Variants in SPATA32 observed in about 807,000 individuals in gnomAD.
SPATA32 encodes spermatogenesis associated 32.
Under a neutral mutation model 35.4 loss-of-function variants are expected in SPATA32, and 28 were observed. The observed-to-expected ratio is 0.79, with a 90% CI of 0.59 to 1.09. The LOEUF (loss-of-function observed/expected upper bound fraction) is 1.09, where lower values mean the gene tolerates loss of function less well. Among genes scored for constraint, SPATA32 ranks in the 50% least tolerant of loss-of-function variants. SPATA32 has a pLI of 0.00. For missense variants in SPATA32, 409 were observed against 475.9 expected (o/e 0.86, Z 1.31); for synonymous variants, 168 against 196.3 (o/e 0.86, Z 1.20).
intron 1 of SPATA32, among the ~76,000 whole-genome samples, chr17:45,261,182 C>G (rs2044004079): frequency 6.7e-6 from 1 of 149,250 alleles, no homozygotes; most frequent in South Asian, 2.1e-4. Context: ...TCCTGGGCTC[C>G]AGTGAGCCTC....
rs988523199 is a variant in SPATA32 at position 45,256,923 on chromosome 17, A to C, written c.68+230T>G. ...CCTATCCTGTCCCTGGGTGTGCCCC[A>C]CCACCCCTCAGTCTTCCTCTCATGC... On this transcript the variant is annotated intron_variant, in intron 2 of 4. Transcript: ENST00000331780. This position sits in a 1 kb window ranked among gnomAD's most constrained non-coding sequence, Gnocchi z 4.7. Among the ~76,000 whole-genome samples, 3 of 152,056 alleles carry C rather than the reference A, an allele frequency of 2.0e-5. No individual in the cohort carries two copies. The highest frequency in any genetic ancestry group is 7.3e-5 in the African/African-American group (3 of 41,376).
Position 45,255,669 on chromosome 17 carries a change from C to T in SPATA32, c.513G>A (p.Leu171=). ...TGAGCTGCATGTTGATGGCCCGCTG[C>T]AGGCTGTGCTCTGAGGCCTGGATGA... ...NKLIQASEHS[L]QRAINMQLNN... is the part of the protein sequence containing the mutation. The change falls in exon 4 of 5, where the codon CTG becomes CTA. Residue 171 remains leucine, a synonymous_variant. Transcript: ENST00000331780. This position sits in a 1 kb window ranked among gnomAD's most constrained non-coding sequence, Gnocchi z 5.4. The T allele has an allele frequency of 1.2e-6, 2 of 1,614,068 alleles. No homozygotes were observed. Among genetic ancestry groups the T allele is most frequent in the Non-Finnish European group, 1.7e-6 (2 of 1,180,046 alleles).
At chr17:45,261,819 C>G in intron 1 of SPATA32, 185 bp downstream of exon 1, 2 of 535,720 alleles carry the variant, frequency 3.7e-6, no homozygotes, top group Non-Finnish European at 5.7e-6. Context: ...GGCTGGGAGC[C>G]GTAGTCAGGG....
rs911800846 is a variant in SPATA32 at position 45,256,534 on chromosome 17, G to A, written c.69-119C>T. On this transcript the variant is annotated intron_variant, in intron 2 of 4. Coordinates refer to ENST00000331780, the MANE Select transcript of SPATA32 (RefSeq NM_152343.3). This position sits in a 1 kb window ranked among gnomAD's most constrained non-coding sequence, Gnocchi z 4.7. ...CAGAAGCTGGCACGATGCACCTCCC[G>A]CCGACCACCCCGCCACCAGCTCATC... The A allele has an allele frequency of 9.6e-6, 8 of 835,166 alleles. No individual in the cohort carries two copies. The highest frequency in any genetic ancestry group is 1.6e-5 in the Non-Finnish European group (8 of 491,606). 51.7% of individuals were successfully genotyped at this position (835,166 alleles called of 1,614,324 possible).
At chr17:45,258,987 A>G (rs187465353) in intron 1 of SPATA32, among the ~76,000 whole-genome samples, 6 of 152,044 alleles carry the variant, frequency 3.9e-5, no homozygotes, top group Admixed American at 2.6e-4. Context: ...AAATATATCC[A>G]TCTTTTGTAT....
In SPATA32 at chr17:45,256,110, C is replaced by T. The variant is rs751271295; in HGVS notation, c.109-37G>A. 1.1e-5 allele frequency: 17 copies of T among 1,566,324 alleles called. No individual in the cohort carries two copies. Among genetic ancestry groups the T allele is most frequent in the East Asian group, 2.4e-5 (1 of 42,150 alleles). On this transcript the variant is annotated intron_variant, in intron 3 of 4. Transcript: ENST00000331780. This position sits in a 1 kb window ranked among gnomAD's most constrained non-coding sequence, Gnocchi z 4.7. ...CAACTCAAAGCTGAGGAGGCAGGAG[C>T]GGGAGGTCCTGCCCCTGAGGCCCTC...
rs2043964076 is a variant in SPATA32 at position 45,256,997 on chromosome 17, C to T, written c.68+156G>A. ...AGTGGGAGGATAGGCGCCCCACGCC[C>T]TCCCCAGCCTTTTGGCCTGGACACT... On this transcript the variant is annotated intron_variant, in intron 2 of 4. Coordinates refer to ENST00000331780, the MANE Select transcript of SPATA32 (RefSeq NM_152343.3). This position sits in a 1 kb window ranked among gnomAD's most constrained non-coding sequence, Gnocchi z 4.7. 6.6e-6 allele frequency among the ~76,000 whole-genome samples: 1 copy of T among 152,202 alleles called. No homozygotes were observed. The highest frequency in any genetic ancestry group is 6.5e-5 in the Admixed American group (1 of 15,286).
At chr17:45,257,625 G>A (rs985767605) in intron 1 of SPATA32, among the ~76,000 whole-genome samples, 3 of 152,114 alleles carry the variant, frequency 2.0e-5, no homozygotes, top group Admixed American at 6.5e-5. Flanking sequence ...CTTGACTCAG[G>A]AAACTCTTAA....
In SPATA32 at chr17:45,255,964, A is replaced by G; in HGVS notation, c.218T>C (p.Leu73Pro). 5 of 1,614,078 alleles carry G rather than the reference A, an allele frequency of 3.1e-6. No homozygotes were observed. Among genetic ancestry groups the G allele is most frequent in the Middle Eastern group, 1.6e-4 (1 of 6,062 alleles). ...GAGGGCTGGGTATAGCTCTGACTCC[A>G]GTAAAGCCGGCACCTGTCCGATCTC... The part of the protein sequence containing the change: ...ELEIGQVPAL[L>P]ESELYPALKL... Residue 73 changes from leucine to proline, a missense_variant, in exon 4 of 5, where the codon CTG becomes CCG. Physicochemically the swap from Leu to Pro is moderately conservative, Grantham distance 98. Coordinates refer to ENST00000331780, the MANE Select transcript of SPATA32 (RefSeq NM_152343.3). The surrounding 1 kb of genome is among the most constrained non-coding windows in gnomAD (Gnocchi z 5.4).
chr17:45,255,045 G>C lies in SPATA32; in HGVS notation c.1067+70C>G. 2 of 1,458,232 alleles carry C rather than the reference G, an allele frequency of 1.4e-6. No individual in the cohort carries two copies. The highest frequency in any genetic ancestry group is 1.9e-6 in the Non-Finnish European group (2 of 1,053,278). The allele number at this position is 1,458,232 out of a possible 1,614,324, so 90.3% of individuals were successfully genotyped here. On this transcript the variant is annotated intron_variant, in intron 4 of 4. Transcript: ENST00000331780. The surrounding 1 kb of genome is among the most constrained non-coding windows in gnomAD (Gnocchi z 5.4). ...TTCCACTGTTCCCCACCCCTACCCAGCTGTGTGAGGACCCCTGCCACGTTC... is the reference window on the plus strand; with the variant it reads ...TTCCACTGTTCCCCACCCCTACCCACCTGTGTGAGGACCCCTGCCACGTTC...
chr17:45,257,284 C>G, intron 1 of SPATA32, 77 bp from the exon 2 acceptor site: 1 of 1,443,806 alleles, frequency 6.9e-7, no homozygotes, highest in East Asian at 2.5e-5. Context: ...AGCCAGCCCC[C>G]TTTTCCTGCC....
Position 45,255,977 on chromosome 17 carries a change from C to A in SPATA32, c.205G>T (p.Val69Leu). The change falls in exon 4 of 5, where the codon GTG becomes TTG. Residue 69 changes from valine to leucine, a missense_variant. Coordinates refer to ENST00000331780, the MANE Select transcript of SPATA32 (RefSeq NM_152343.3). The surrounding 1 kb of genome is among the most constrained non-coding windows in gnomAD (Gnocchi z 5.4). ...DPDPELEIGQ[V>L]PALLESELYP... ...AGCTCTGACTCCAGTAAAGCCGGCACCTGTCCGATCTCCAGTTCTGGGTCT... is the reference window on the plus strand; with the variant it reads ...AGCTCTGACTCCAGTAAAGCCGGCAACTGTCCGATCTCCAGTTCTGGGTCT... 2 of 1,614,108 alleles carry A rather than the reference C, an allele frequency of 1.2e-6. No individual in the cohort carries two copies. The highest frequency in any genetic ancestry group is 1.7e-6 in the Non-Finnish European group (2 of 1,180,028).
chr17:45,255,743 G>A lies in SPATA32; in HGVS notation c.439C>T (p.His147Tyr). 6.2e-7 allele frequency: 1 copy of A among 1,614,052 alleles called. No individual in the cohort carries two copies. The highest frequency in any genetic ancestry group is 8.5e-7 in the Non-Finnish European group (1 of 1,179,946). ...TEENHVSACH[H>Y]SISAQTSKHL... ...TTGGAGGTCTGCGCACTGATGGAGT[G>A]ATGGCAGGCAGACACGTGGTTCTCC... Residue 147 changes from histidine (H) to tyrosine (Y), a missense_variant, in exon 4 of 5, where the codon CAC becomes TAC. His to Tyr is a moderately conservative substitution (Grantham distance 83, BLOSUM62 2). Transcript: ENST00000331780. This position sits in a 1 kb window ranked among gnomAD's most constrained non-coding sequence, Gnocchi z 5.4.
In SPATA32 at chr17:45,256,655, C is replaced by A. The variant is rs1398287350; in HGVS notation, c.69-240G>T. Among the ~76,000 whole-genome samples the A allele has an allele frequency of 6.6e-6, 1 of 152,118 alleles. No individual in the cohort carries two copies. Among genetic ancestry groups the A allele is most frequent in the South Asian group, 2.1e-4 (1 of 4,826 alleles). Reference sequence around the variant, plus strand: ...AGGAAGCTGCTTGCCAACTCATGCCCCACCCCCAAAGAGGAATCCAGTTGG... The same window carrying A: ...AGGAAGCTGCTTGCCAACTCATGCCACACCCCCAAAGAGGAATCCAGTTGG... On this transcript the variant is annotated intron_variant, in intron 2 of 4. Transcript: ENST00000331780. This position sits in a 1 kb window ranked among gnomAD's most constrained non-coding sequence, Gnocchi z 4.7.
intron 1 of SPATA32, among the ~76,000 whole-genome samples, chr17:45,257,492 C>T (rs964210346): frequency 8.5e-5 from 13 of 152,048 alleles, no homozygotes; most frequent in Admixed American, 6.6e-5. Flanking sequence ...CATGACAGAG[C>T]GCTTCCATAG....
rs1421644518 is a variant in SPATA32, at chr17:45,255,142, G to T, written c.1040C>A (p.Ser347Tyr). The T allele has an allele frequency of 6.2e-7, 1 of 1,614,100 alleles. No individual in the cohort carries two copies. Among genetic ancestry groups the T allele is most frequent in the African/African-American group, 1.3e-5 (1 of 74,936 alleles). The change falls in exon 4 of 5, where the codon TCC becomes TAC. Residue 347 changes from serine to tyrosine, a missense_variant. Ser to Tyr is a moderately radical substitution (Grantham distance 144). Transcript: ENST00000331780. The surrounding 1 kb of genome is among the most constrained non-coding windows in gnomAD (Gnocchi z 5.4). Reference sequence around the variant, plus strand: ...TTCCTTGCTTCCCTGCAGCAGAGGGGACGTGGCTGGTGGCTGGAGAAGCTG... The same window carrying T: ...TTCCTTGCTTCCCTGCAGCAGAGGGTACGTGGCTGGTGGCTGGAGAAGCTG... ...QIQLLQPPAT[S>Y]PLLQGSKEDS...
In SPATA32 at chr17:45,256,358, G is replaced by A. The variant is rs1249494967; in HGVS notation, c.108+18C>T. ...GCTTGCCTACCACCTCCCCGTAAGA[G>A]GACACTCCCATTTTTACCTCCTGTT... On this transcript the variant is annotated intron_variant, in intron 3 of 4. Transcript: ENST00000331780. This position sits in a 1 kb window ranked among gnomAD's most constrained non-coding sequence, Gnocchi z 4.7. 1.9e-6 allele frequency: 3 copies of A among 1,612,046 alleles called. No individual in the cohort carries two copies. The African/African-American group carries it at 4.0e-5, about 22-fold the overall frequency.
chr17:45,260,905 A>G (rs2043999729), intron 1 of SPATA32: 1 of 152,190 alleles, frequency 6.6e-6, no homozygotes, highest in East Asian at 1.9e-4. Context: ...CCCCCAGAGT[A>G]CCGCAGGCCT....
rs1044186558 is a variant in SPATA32, at chr17:45,256,041, T to C, written c.141A>G (p.Gln47=). ...LEADMLEQKP[Q]LQVDLDLDPD... Reference sequence around the variant, plus strand: ...GGTCCAGGTCCAGGTCCACTTGGAGTTGGGGCTTCTGCTCTAGCATGTCTG... The same window carrying C: ...GGTCCAGGTCCAGGTCCACTTGGAGCTGGGGCTTCTGCTCTAGCATGTCTG... The change falls in exon 4 of 5, where the codon CAA becomes CAG. Residue 47 remains glutamine, a synonymous_variant. Transcript: ENST00000331780. This position sits in a 1 kb window ranked among gnomAD's most constrained non-coding sequence, Gnocchi z 4.7. 6.2e-7 allele frequency: 1 copy of C among 1,610,384 alleles called. No individual in the cohort carries two copies. The highest frequency in any genetic ancestry group is 8.5e-7 in the Non-Finnish European group (1 of 1,178,342).
Sources: allele counts gnomAD v4.1 joint callset (sites outside exome capture counted in the v4.1 genomes callset), GRCh38; gene constraint gnomAD v4.1.1; non-coding constraint Gnocchi (gnomAD v3.1); transcripts MANE v1.5; gene names NCBI Gene and HGNC (gene_info 2026-07-23, HGNC 2026-07-21).